The following ATP9B variants were observed in gnomAD, a reference collection of about 807,000 sequenced individuals.
ATP9B encodes ATPase phospholipid transporting 9B, also known as probable phospholipid-transporting ATPase IIB.
ATP9B carries 110 observed loss-of-function variants against 146.1 expected under a neutral mutation model. The ratio of observed to expected loss-of-function variants is 0.75; its 90% CI spans 0.65 to 0.88. The LOEUF is 0.88. ATP9B is among the 40% of genes least tolerant of loss of function. The pLI is 0.00. For synonymous variants in ATP9B, 604 were observed against 569.7 expected (o/e 1.06, Z -0.86); for missense variants, 1,499 against 1,496.4 (o/e 1.00, Z -0.03).
intron 7 of ATP9B, among the ~76,000 whole-genome samples, chr18:79,163,135 TAAGTC>T (rs1431339081): frequency 6.6e-6 from 1 of 152,228 alleles, no homozygotes; most frequent in Non-Finnish European, 1.5e-5. Context: ...TCTTGTGAAA[TAAGTC>T]AAGCTGGCCA....
At chr18:79,267,100 T>A (rs895703022) in intron 12 of ATP9B, among the ~76,000 whole-genome samples, 1 of 152,086 alleles carries the variant, frequency 6.6e-6, no homozygotes, top group African/African-American at 2.4e-5. Context: ...GACACATTGA[T>A]TTAGTTATGG....
chr18:79,197,357 T>G (rs2095426260), intron 9 of ATP9B, among the ~76,000 whole-genome samples: 1 of 151,630 alleles, frequency 6.6e-6, no homozygotes, highest in Admixed American at 6.6e-5. Context: ...TATATATATA[T>G]AGCAATAAAA....
intron 19 of ATP9B, 65 bp downstream of exon 19, chr18:79,337,514 G>C: frequency 2.6e-6 from 4 of 1,555,140 alleles, no homozygotes; most frequent in Non-Finnish European, 3.5e-6. Context: ...CTTTTCCTTG[G>C]GCATGGTGAT....
intron 7 of ATP9B, among the ~76,000 whole-genome samples, chr18:79,174,015 T>A (rs1218689720): frequency 1.3e-5 from 2 of 152,208 alleles, no homozygotes; most frequent in Non-Finnish European, 2.9e-5. Context: ...TGTCCTTTCT[T>A]GATACCCGAG....
At chr18:79,201,905 G>A (rs1600423856) in intron 9 of ATP9B, among the ~76,000 whole-genome samples, 1 of 152,026 alleles carries the variant, frequency 6.6e-6, no homozygotes, top group South Asian at 2.1e-4. Flanking sequence ...AGCCTAGTGG[G>A]GTGGCTACAG....
chr18:79,301,053 A>G (rs551126773), intron 13 of ATP9B, among the ~76,000 whole-genome samples: 4 of 152,194 alleles, frequency 2.6e-5, no homozygotes, highest in Non-Finnish European at 5.9e-5. Flanking sequence ...TTGTTAAATA[A>G]TTTTTCAGAG....
chr18:79,351,699 G>A (rs575532328), intron 25 of ATP9B, among the ~76,000 whole-genome samples: 1 of 152,270 alleles, frequency 6.6e-6, no homozygotes, highest in South Asian at 2.1e-4. Flanking sequence ...TGTTGGCCCA[G>A]GTGACTTTCC....
chr18:79,354,006 C>T (rs1276943730), intron 25 of ATP9B: 1 of 152,100 alleles, frequency 6.6e-6, no homozygotes, highest in East Asian at 1.9e-4. Flanking sequence ...ATCAAGAAAA[C>T]AGAATGATGT....
chr18:79,327,712 A>ATGGTTAGCGTGCTCGCCG (rs2096762794), intron 15 of ATP9B, among the ~76,000 whole-genome samples: 2 of 47,738 alleles, frequency 4.2e-5, no homozygotes, highest in African/African-American at 1.9e-4. Context: ...TGCTCTCTCC[A>ATGGTTAGCGTGCTCGCCG]TGGTTAGCGT....
chr18:79,193,387 C>G (rs2095387787), intron 9 of ATP9B, 124 bp downstream of exon 9: 1 of 790,416 alleles, frequency 1.3e-6, no homozygotes, highest in Non-Finnish European at 2.0e-6. Context: ...GAAGGGAAAA[C>G]CTATATAATG....
At chr18:79,071,396 T>G (rs1482571754) in intron 1 of ATP9B, among the ~76,000 whole-genome samples, 5 of 84,282 alleles carry the variant, frequency 5.9e-5, no homozygotes, top group African/African-American at 2.5e-4. Flanking sequence ...TCTATTGTTC[T>G]TCCTTTTTTT....
chr18:79,079,588 C>G (rs1017847684), intron 1 of ATP9B, among the ~76,000 whole-genome samples: 1 of 152,114 alleles, frequency 6.6e-6, no homozygotes, highest in Non-Finnish European at 1.5e-5. Context: ...TTCTCCCATT[C>G]TATAGGTTGC....
At chr18:79,367,136 G>A (rs1206807881) in intron 26 of ATP9B, among the ~76,000 whole-genome samples, 10 of 112,366 alleles carry the variant, frequency 8.9e-5, no homozygotes, top group Admixed American at 6.3e-4. Context: ...CACCTCCACC[G>A]TGTGTACGCA....
At chr18:79,181,437 C>T (rs1160093682) in intron 8 of ATP9B, among the ~76,000 whole-genome samples, 1 of 152,076 alleles carries the variant, frequency 6.6e-6, no homozygotes, top group African/African-American at 2.4e-5. Context: ...TCTGTCCAAA[C>T]CCCTCTGAGA....
chr18:79,306,147 T>A (rs76130187), intron 14 of ATP9B, among the ~76,000 whole-genome samples: 5 of 152,214 alleles, frequency 3.3e-5, no homozygotes, highest in Admixed American at 2.0e-4. Flanking sequence ...TCACAGTTCA[T>A]TGGATCTGTT....
At chr18:79,112,110 T>C (rs960436916) in intron 3 of ATP9B, among the ~76,000 whole-genome samples, 2 of 152,204 alleles carry the variant, frequency 1.3e-5, no homozygotes, top group African/African-American at 4.8e-5. Context: ...TCCCACACAT[T>C]GCCGTATGAT....
chr18:79,117,774 A>C (rs1420613676), intron 4 of ATP9B: 1 of 152,238 alleles, frequency 6.6e-6, no homozygotes, highest in Non-Finnish European at 1.5e-5. Flanking sequence ...ACCGTGGAAG[A>C]GAGTATAGAT....
chr18:79,335,051 G>A (rs772811497), intron 17 of ATP9B, among the ~76,000 whole-genome samples: 4 of 152,004 alleles, frequency 2.6e-5, no homozygotes, highest in East Asian at 1.9e-4. Context: ...CCACAACCAC[G>A]TGAGGGAGGA....
chr18:79,313,779 A>G (rs1457286243), intron 15 of ATP9B, among the ~76,000 whole-genome samples: 2 of 152,220 alleles, frequency 1.3e-5, no homozygotes, highest in African/African-American at 2.4e-5. Flanking sequence ...TACTTGTCTA[A>G]AATGTCTTTC....
Sources: allele counts gnomAD v4.1 joint callset (sites outside exome capture counted in the v4.1 genomes callset), GRCh38; gene constraint gnomAD v4.1.1; transcripts MANE v1.5; gene names NCBI Gene and HGNC (gene_info 2026-07-23, HGNC 2026-07-21).